Variants in SLC44A5 observed in about 807,000 individuals in gnomAD.
SLC44A5 encodes the protein solute carrier family 44 member 5, also known as choline transporter-like protein 5.
A neutral mutation model predicts 101.8 loss-of-function variants in SLC44A5; 57 were observed. That is an observed-to-expected ratio of 0.56 (90% confidence interval 0.45 to 0.70). The LOEUF (loss-of-function observed/expected upper bound fraction) is 0.70. Among genes scored for constraint, SLC44A5 ranks in the 30% least tolerant of loss-of-function variants. The pLI is 0.00. For synonymous variants in SLC44A5, 281 were observed against 290.9 expected (o/e 0.97, Z 0.35); for missense variants, 737 against 853.1 (o/e 0.86, Z 1.70).
At position 75,422,399 on chromosome 1, in the gene SLC44A5, C is replaced by T. The variant is rs373438530; in HGVS notation, c.14-25778G>A. Among the ~76,000 whole-genome samples the T allele has an allele frequency of 1.8e-4, 28 of 152,214 alleles. 1 individual carries two copies. The highest frequency in any genetic ancestry group is 9.8e-4 in the Admixed American group (15 of 15,278). ...GCACAGTGTTTTGGACTTACAAGTC[C>T]GCAGTGAATAATTGGCAACAAATAA... On this transcript the variant is annotated intron_variant, in intron 2 of 23. Transcript: ENST00000370859.
At chr1:75,332,455 C>T (rs545370479) in intron 4 of SLC44A5, among the ~76,000 whole-genome samples, 1 of 152,206 alleles carries the variant, frequency 6.6e-6, no homozygotes, top group East Asian at 1.9e-4. Flanking sequence ...GAAATGAAAG[C>T]TTGAATGTTC....
At chr1:75,574,701 ATATGTGATTCTG>A (rs1354350460) in intron 1 of SLC44A5, among the ~76,000 whole-genome samples, 2 of 152,126 alleles carry the variant, frequency 1.3e-5, no homozygotes, top group Non-Finnish European at 2.9e-5. Context: ...CATCTCTCCT[ATATGTGATTCTG>A]TCCTCTCTTT....
chr1:75,634,679 C>T, the SLC44A5 span, among the ~76,000 whole-genome samples: 3 of 151,332 alleles, frequency 2.0e-5, no homozygotes, highest in South Asian at 6.4e-4. Context: ...GGATTAAAGA[C>T]TTAAATGTTA....
chr1:75,263,577 C>G (rs1363794616), intron 6 of SLC44A5, among the ~76,000 whole-genome samples: 1 of 152,148 alleles, frequency 6.6e-6, no homozygotes, highest in Non-Finnish European at 1.5e-5. Context: ...TGTGGTGATT[C>G]CTCAAGGATC....
chr1:75,547,348 C>T (rs1490952994), intron 1 of SLC44A5, among the ~76,000 whole-genome samples: 1 of 152,166 alleles, frequency 6.6e-6, no homozygotes, highest in Non-Finnish European at 1.5e-5. Context: ...GGTGCCAAAA[C>T]TATTGCACCC....
intron 3 of SLC44A5, among the ~76,000 whole-genome samples, chr1:75,360,319 T>C (rs1278578122): frequency 2.0e-5 from 3 of 152,164 alleles, no homozygotes; most frequent in African/African-American, 4.8e-5. Context: ...TTAATTCTTT[T>C]GTCCATTTTA....
At chr1:75,644,437 T>C in the SLC44A5 span, among the ~76,000 whole-genome samples, 6 of 152,040 alleles carry the variant, frequency 3.9e-5, no homozygotes, top group Admixed American at 1.3e-4. Context: ...TTGAATGACT[T>C]TTTAACAAAA....
chr1:75,663,052 C>A, the SLC44A5 span, among the ~76,000 whole-genome samples: 1 of 152,044 alleles, frequency 6.6e-6, no homozygotes, highest in Non-Finnish European at 1.5e-5. Context: ...TGACTATGAC[C>A]AAATAGCACA....
intron 1 of SLC44A5, among the ~76,000 whole-genome samples, chr1:75,544,240 C>T (rs1479390564): frequency 6.6e-6 from 1 of 152,166 alleles, no homozygotes; most frequent in Non-Finnish European, 1.5e-5. Flanking sequence ...TGCCCTTCCA[C>T]CATGTGATGC....
chr1:75,478,184 T>C (rs1263104351), intron 2 of SLC44A5, among the ~76,000 whole-genome samples: 1 of 152,054 alleles, frequency 6.6e-6, no homozygotes, highest in African/African-American at 2.4e-5. Context: ...ATAAAATCCT[T>C]TACAGACAAG....
At chr1:75,232,831 G>T (rs868575883) in intron 12 of SLC44A5, among the ~76,000 whole-genome samples, 1 of 152,126 alleles carries the variant, frequency 6.6e-6, no homozygotes, top group Admixed American at 6.6e-5. Flanking sequence ...AAGTTACCCA[G>T]TTGTATGTTA....
At chr1:75,537,034 A>AAAAAAAAAG (rs1553199990) in intron 2 of SLC44A5, among the ~76,000 whole-genome samples, 961 of 18,624 alleles carry the variant, frequency 0.052, 101 homozygotes, top group Middle Eastern at 0.12. Context: ...AAAAAAAAAA[A>AAAAAAAAAG]TATATATCTA....
chr1:75,227,936 C>A, intron 12 of SLC44A5, 79 bp from the exon 13 acceptor site: 1 of 1,107,910 alleles, frequency 9.0e-7, no homozygotes, highest in Non-Finnish European at 1.3e-6. Flanking sequence ...TCATACATAT[C>A]TATATGAAAC....
intron 3 of SLC44A5, among the ~76,000 whole-genome samples, chr1:75,352,937 C>A (rs896972505): frequency 3.3e-5 from 5 of 152,154 alleles, no homozygotes; most frequent in Middle Eastern, 3.2e-3. Flanking sequence ...AAAGTAATCA[C>A]TGTCTAGAAT....
At chr1:75,434,379 C>G (rs994453889) in intron 2 of SLC44A5, among the ~76,000 whole-genome samples, 4 of 152,144 alleles carry the variant, frequency 2.6e-5, no homozygotes, top group Admixed American at 2.6e-4. Context: ...TAACTGATCT[C>G]TCTGCCTCCA....
intron 11 of SLC44A5, 135 bp downstream of exon 11, chr1:75,236,852 A>G (rs1648127873): frequency 2.0e-6 from 1 of 511,418 alleles, no homozygotes; most frequent in African/African-American, 1.9e-5. Flanking sequence ...AGGAACTGAC[A>G]TCTGAGTGAA....
intron 4 of SLC44A5, among the ~76,000 whole-genome samples, chr1:75,308,547 C>T (rs1357183113): frequency 1.3e-5 from 2 of 152,076 alleles, no homozygotes; most frequent in Non-Finnish European, 2.9e-5. Context: ...AGGTGGAAAC[C>T]ACTCTGCAAA....
intron 2 of SLC44A5, among the ~76,000 whole-genome samples, chr1:75,475,259 T>C (rs149509526): frequency 1.9e-3 from 285 of 152,328 alleles, no homozygotes; most frequent in African/African-American, 6.2e-3. Flanking sequence ...TGAGGAAACC[T>C]TGTAAAAGAC....
chr1:75,532,214 A>G (rs1670758106), intron 2 of SLC44A5, among the ~76,000 whole-genome samples: 1 of 152,164 alleles, frequency 6.6e-6, no homozygotes. Flanking sequence ...ACCTCTTTCA[A>G]TGATTTTTGT....
Sources: gnomAD v4.1 joint callset for allele counts (sites outside exome capture counted in the v4.1 genomes callset) on GRCh38, gnomAD v4.1.1 for gene constraint, MANE v1.5 for transcripts, NCBI Gene and HGNC (gene_info 2026-07-23, HGNC 2026-07-21) for gene names.